The following DNAJC2 variants were observed in gnomAD, a reference collection of about 807,000 sequenced individuals.
DNAJC2 encodes dnaJ homolog subfamily C member 2.
Under a neutral mutation model 94.0 loss-of-function variants are expected in DNAJC2, and 32 were observed. The observed-to-expected ratio is 0.34, with a 90% CI of 0.26 to 0.46. DNAJC2 has a LOEUF of 0.46. Ranked by LOEUF, DNAJC2 falls within the 20% of genes least tolerant of loss-of-function variation. The pLI, the probability that DNAJC2 is intolerant of heterozygous loss-of-function variation, is 1.00. For synonymous variants in DNAJC2, 210 were observed against 229.7 expected (o/e 0.91, Z 0.77); for missense variants, 550 against 719.5 (o/e 0.76, Z 2.69).
rs556065250 is a variant in DNAJC2 at position 103,322,695 on chromosome 7, C to G, written c.811+8G>C. 1 of 1,612,580 alleles carries G rather than the reference C, an allele frequency of 6.2e-7. No individual in the cohort carries two copies. The highest frequency in any genetic ancestry group is 1.1e-5 in the South Asian group (1 of 91,038). On this transcript the variant is annotated splice_region_variant and intron_variant, in intron 8 of 16. Coordinates refer to ENST00000379263, the MANE Select transcript of DNAJC2 (RefSeq NM_014377.3). ...AACATTTAGGGGACTTAAATCAATTCTACTTACCAACTAATGTTCTTATTC... is the reference window on the plus strand; with the variant it reads ...AACATTTAGGGGACTTAAATCAATTGTACTTACCAACTAATGTTCTTATTC...
rs750249981 is a variant in DNAJC2, at chr7:103,344,639, G to A, written c.-17C>T. On this transcript the variant is annotated 5_prime_UTR_variant, in exon 1 of 17. Transcript: ENST00000379263. ...AAGCAGCATGATGGCGCCGGGTCTAGCCCGGTGGGCGCAGCGGCTCACGTC... is the reference window on the plus strand; with the variant it reads ...AAGCAGCATGATGGCGCCGGGTCTAACCCGGTGGGCGCAGCGGCTCACGTC... 175 of 1,606,268 alleles carry A rather than the reference G, an allele frequency of 1.1e-4. 2 individuals are homozygous for A. The South Asian group carries it at 1.8e-3, about 17-fold the overall frequency.
chr7:103,312,843 A>G, intron 16 of DNAJC2, 104 bp downstream of exon 16: 2 of 1,525,948 alleles, frequency 1.3e-6, no homozygotes, highest in East Asian at 2.3e-5. Context: ...CTGGTTTTGA[A>G]ATAAGCACTA....
chr7:103,329,491 T>C (rs941527579), intron 3 of DNAJC2: 40 of 152,404 alleles, frequency 2.6e-4, no homozygotes, highest in African/African-American at 8.9e-4. Context: ...TTTATTTACA[T>C]TGACTGATCA....
chr7:103,319,516 C>G lies in DNAJC2; in HGVS notation c.1242+93G>C, dbSNP rs1818264290. 7.0e-6 allele frequency: 8 copies of G among 1,139,484 alleles called. No homozygotes were observed. In the South Asian group the frequency reaches 9.2e-5, roughly 13 times the overall value. 70.6% of individuals were successfully genotyped at this position (1,139,484 alleles called of 1,614,324 possible). Reference sequence around the variant, plus strand: ...AAACATAAAGAGAAATCAGATACTCCCTGCACTTGGTGACTTATATATTAG... The same window carrying G: ...AAACATAAAGAGAAATCAGATACTCGCTGCACTTGGTGACTTATATATTAG... On this transcript the variant is annotated intron_variant, in intron 12 of 16. Transcript: ENST00000379263.
Position 103,341,937 on chromosome 7 carries a change from C to G in DNAJC2, c.82G>C (p.Val28Leu). Residue 28 changes from valine to leucine, a missense_variant, in exon 2 of 17, where the codon GTT becomes CTT. Around this residue, in one of 2 missense-constraint regions of DNAJC2, gnomAD observed 279 missense variants for 416.9 expected, o/e 0.67. Coordinates refer to ENST00000379263, the MANE Select transcript of DNAJC2 (RefSeq NM_014377.3). Reference protein sequence around the residue: ...ALTSASTLCQVEPVGRWFEAF... With the variant: ...ALTSASTLCQLEPVGRWFEAF... Reference sequence around the variant, plus strand: ...TCAAACCATCTTCCCACAGGTTCAACTTGACAGAGTGTAGAGGCTGTGATT... The same window carrying G: ...TCAAACCATCTTCCCACAGGTTCAAGTTGACAGAGTGTAGAGGCTGTGATT... 6.2e-7 allele frequency: 1 copy of G among 1,604,390 alleles called. No individual in the cohort carries two copies. The highest frequency in any genetic ancestry group is 8.5e-7 in the Non-Finnish European group (1 of 1,176,310).
Position 103,322,699 on chromosome 7 carries a change from T to G in DNAJC2, c.811+4A>C, listed in dbSNP as rs1415285174. The G allele has an allele frequency of 6.2e-7, 1 of 1,612,636 alleles. No homozygotes were observed. Among genetic ancestry groups the G allele is most frequent in the Non-Finnish European group, 8.5e-7 (1 of 1,179,738 alleles). ...TTTAGGGGACTTAAATCAATTCTAC[T>G]TACCAACTAATGTTCTTATTCTGTT... On this transcript the variant is annotated splice_donor_region_variant and intron_variant, in intron 8 of 16. Transcript: ENST00000379263.
intron 10 of DNAJC2, 127 bp downstream of exon 10, chr7:103,321,805 G>A (rs1481660674): frequency 5.9e-6 from 6 of 1,017,274 alleles, no homozygotes; most frequent in East Asian, 5.4e-5. Flanking sequence ...CTGAGATCGC[G>A]CCACTGCACT....
chr7:103,322,761 G>C lies in DNAJC2; in HGVS notation c.753C>G (p.Asn251Lys). 5 of 1,607,744 alleles carry C rather than the reference G, an allele frequency of 3.1e-6. No individual in the cohort carries two copies. Among genetic ancestry groups the C allele is most frequent in the Non-Finnish European group, 4.2e-6 (5 of 1,179,626 alleles). ...RDERRWIEKQ[N>K]RATRAQRKKE... ...TTTTTCTTTGTGCTCTTGTTGCTCTGTTCTGCTTTTCAATCCATCTCCTCT... is the reference window on the plus strand; with the variant it reads ...TTTTTCTTTGTGCTCTTGTTGCTCTCTTCTGCTTTTCAATCCATCTCCTCT... The change falls in exon 8 of 17, where the codon AAC becomes AAG. Residue 251 changes from asparagine to lysine, a missense_variant. This residue lies in a region of DNAJC2 where 279 missense variants were observed against 416.9 expected (regional missense o/e 0.67). Transcript: ENST00000379263.
Position 103,341,750 on chromosome 7 carries a change from C to A in DNAJC2, c.255+14G>T. ...AAAGCATCTGACTGAACAAAATATT[C>A]AGATATTAAATACCTTCCAGTCTTT... is the stretch of plus-strand genomic sequence containing the variant. On this transcript the variant is annotated intron_variant, in intron 2 of 16. Coordinates refer to ENST00000379263, the MANE Select transcript of DNAJC2 (RefSeq NM_014377.3). 6.6e-7 allele frequency: 1 copy of A among 1,523,556 alleles called. No homozygotes were observed. The highest frequency in any genetic ancestry group is 1.3e-5 in the South Asian group (1 of 75,992). The allele number at this position is 1,523,556 out of a possible 1,614,324, so 94.4% of individuals were successfully genotyped here.
chr7:103,317,659 T>TCTTA (rs1350509439), intron 12 of DNAJC2, among the ~76,000 whole-genome samples: 2 of 152,156 alleles, frequency 1.3e-5, no homozygotes, highest in Non-Finnish European at 2.9e-5. Context: ...TTTCTTTCTT[T>TCTTA]CTTACTTTTG....
Position 103,322,030 on chromosome 7 carries a change from C to T in DNAJC2, c.985G>A (p.Glu329Lys). The change falls in exon 10 of 17, where the codon GAG becomes AAG. Residue 329 changes from glutamate (E) to lysine (K), a missense_variant. Transcript: ENST00000379263. The stretch of plus-strand genomic sequence containing the variant: ...AGCAATGCTTGCTGTCTGACTTCCT[C>T]CTCTTCTTTCTCCTTAGCTAACCGA... ...AARLAKEKEE[E>K]EVRQQALLAK... 1.9e-6 allele frequency: 3 copies of T among 1,613,910 alleles called. No homozygotes were observed. The highest frequency in any genetic ancestry group is 2.5e-6 in the Non-Finnish European group (3 of 1,179,892).
chr7:103,319,263 C>G (rs1695944115), intron 12 of DNAJC2, among the ~76,000 whole-genome samples: 1 of 152,020 alleles, frequency 6.6e-6, no homozygotes, highest in African/African-American at 2.4e-5. Flanking sequence ...ATGGTGAAAC[C>G]CTGTCTCTAC....
intron 3 of DNAJC2, among the ~76,000 whole-genome samples, chr7:103,332,921 G>A (rs1819031249): frequency 6.6e-6 from 1 of 152,186 alleles, no homozygotes; most frequent in Non-Finnish European, 1.5e-5. Flanking sequence ...ACCATGATTA[G>A]CTCTTTCTGT....
At chr7:103,340,670 C>A (rs1387984771) in intron 2 of DNAJC2, among the ~76,000 whole-genome samples, 1 of 152,186 alleles carries the variant, frequency 6.6e-6, no homozygotes, top group Non-Finnish European at 1.5e-5. Flanking sequence ...CACTCCAATT[C>A]CACAGCATAC....
chr7:103,332,165 T>C (rs779669974), intron 3 of DNAJC2, among the ~76,000 whole-genome samples: 3 of 151,912 alleles, frequency 2.0e-5, no homozygotes, highest in East Asian at 1.9e-4. Context: ...CCACCACGCC[T>C]GCCTAATTTT....
Position 103,327,660 on chromosome 7 carries a change from A to C in DNAJC2, c.426T>G (p.Thr142=), listed in dbSNP as rs1446016431. The change falls in exon 4 of 17, where the codon ACT becomes ACG. Residue 142 remains threonine, a synonymous_variant. Coordinates refer to ENST00000379263, the MANE Select transcript of DNAJC2 (RefSeq NM_014377.3). ...EGDNDYFTCI[T]KAYEMLSDPV... is the part of the protein sequence containing the mutation. Reference sequence around the variant, plus strand: ...GACTCTAAAGCATTTTCTTACCTTTAGTTATGCAAGTGAAGTAGTCATTAT... The same window carrying C: ...GACTCTAAAGCATTTTCTTACCTTTCGTTATGCAAGTGAAGTAGTCATTAT... The C allele has an allele frequency of 6.3e-7, 1 of 1,586,610 alleles. No homozygotes were observed. The highest frequency in any genetic ancestry group is 8.6e-7 in the Non-Finnish European group (1 of 1,159,172).
In DNAJC2 at chr7:103,337,809, G is replaced by A; in HGVS notation, c.258C>T (p.Asn86=). ...LKTLDPKDWK[N]QDHYAVLGLG... is the part of the protein sequence containing the mutation. Reference sequence around the variant, plus strand: ...GTCCAAGAACTGCATAATGATCTTGGTTCTGGAAAAAAAACACAAAAGGGA... The same window carrying A: ...GTCCAAGAACTGCATAATGATCTTGATTCTGGAAAAAAAACACAAAAGGGA... The change falls in exon 3 of 17, where the codon AAC becomes AAT. Residue 86 remains asparagine (N), a splice_region_variant and synonymous_variant. Transcript: ENST00000379263. 6 of 1,611,536 alleles carry A rather than the reference G, an allele frequency of 3.7e-6. No individual in the cohort carries two copies. Among genetic ancestry groups the A allele is most frequent in the Non-Finnish European group, 5.1e-6 (6 of 1,179,136 alleles).
Position 103,326,235 on chromosome 7 carries a change from T to C in DNAJC2, c.572+308A>G, listed in dbSNP as rs184598689. Among the ~76,000 whole-genome samples, 1,073 of 152,244 alleles carry C rather than the reference T, an allele frequency of 7.0e-3. 16 individuals are homozygous for C. Among genetic ancestry groups the C allele is most frequent in the Non-Finnish European group, 7.2e-3 (487 of 68,016 alleles). Reference sequence around the variant, plus strand: ...TCAGGTGATCCGTCCACCTCGGCCTTCCAAAGTGCTGGGATTACAGGTGTG... The same window carrying C: ...TCAGGTGATCCGTCCACCTCGGCCTCCCAAAGTGCTGGGATTACAGGTGTG... On this transcript the variant is annotated intron_variant, in intron 5 of 16. Coordinates refer to ENST00000379263, the MANE Select transcript of DNAJC2 (RefSeq NM_014377.3).
chr7:103,313,253 C>G (rs1028637714), intron 15 of DNAJC2, 152 bp from the exon 16 acceptor site: 82 of 1,339,162 alleles, frequency 6.1e-5, no homozygotes, highest in Non-Finnish European at 7.7e-5. Context: ...ATATAGCCCT[C>G]TGAGTGTTAA....
Sources: gnomAD v4.1 joint callset for allele counts (sites outside exome capture counted in the v4.1 genomes callset) on GRCh38, gnomAD v4.1.1 for gene constraint, gnomAD v4.1.1 regional missense constraint, MANE v1.5 for transcripts, NCBI Gene and HGNC (gene_info 2026-07-23, HGNC 2026-07-21) for gene names.